Variants in GRIK2 observed in about 807,000 individuals in gnomAD.
GRIK2 encodes glutamate ionotropic receptor kainate type subunit 2.
Under a neutral mutation model 100.3 loss-of-function variants are expected in GRIK2, and 32 were observed. That is an observed-to-expected ratio of 0.32 (90% CI 0.24 to 0.43). The LOEUF is 0.43. Among genes scored for constraint, GRIK2 ranks in the 20% least tolerant of loss-of-function variants. The probability of loss-of-function intolerance (pLI) is 1.00; values close to 1 mark genes in which losing one functional copy is unlikely to be tolerated. For missense variants in GRIK2, 843 were observed against 1,114.9 expected (o/e 0.76, Z 3.47); for synonymous variants, 417 against 389.4 (o/e 1.07, Z -0.83).
At chr6:101,481,688 A>C (rs886285502) in intron 2 of GRIK2, among the ~76,000 whole-genome samples, 44 of 152,262 alleles carry the variant, frequency 2.9e-4, no homozygotes, top group African/African-American at 1.0e-3. Context: ...TTAACCTAAG[A>C]AGTATTTTAA....
rs184523083 is a variant in GRIK2, at chr6:101,526,086, A to T, written c.116-95863A>T. On this transcript the variant is annotated intron_variant, in intron 2 of 16. Coordinates refer to ENST00000369134, the MANE Select transcript of GRIK2 (RefSeq NM_021956.5). ...GCAGCAGAGCAGAATTGATTCCTAG[A>T]TGTATACTGAGACCAACTGCTCTAT... Among the ~76,000 whole-genome samples the T allele has an allele frequency of 3.1e-4, 47 of 152,296 alleles. No homozygotes were observed. In the East Asian group the frequency reaches 8.9e-3, roughly 29 times the overall value.
chr6:102,016,868 G>A (rs983726986), intron 14 of GRIK2, among the ~76,000 whole-genome samples: 4 of 152,032 alleles, frequency 2.6e-5, no homozygotes, highest in Non-Finnish European at 5.9e-5. Flanking sequence ...GTTAAAAGCA[G>A]CTATAGAGAA....
chr6:101,636,499 TAAAA>T (rs548087624), intron 4 of GRIK2, among the ~76,000 whole-genome samples: 3 of 151,568 alleles, frequency 2.0e-5, no homozygotes, highest in Non-Finnish European at 4.4e-5. Context: ...TAAAGTATAA[TAAAA>T]AAAAGAAAAG....
At chr6:101,698,977 A>G (rs1772689476) in intron 7 of GRIK2, among the ~76,000 whole-genome samples, 1 of 152,144 alleles carries the variant, frequency 6.6e-6, no homozygotes, top group South Asian at 2.1e-4. Flanking sequence ...GACTTGGATA[A>G]AATTCTACAT....
chr6:101,507,342 T>G (rs1228510108), intron 2 of GRIK2, among the ~76,000 whole-genome samples: 2 of 152,136 alleles, frequency 1.3e-5, no homozygotes, highest in Admixed American at 1.3e-4. Flanking sequence ...GCCTTAGAGA[T>G]ATATCTATTT....
chr6:101,753,432 T>C (rs1016056963), intron 7 of GRIK2, among the ~76,000 whole-genome samples: 2 of 152,120 alleles, frequency 1.3e-5, no homozygotes, highest in East Asian at 3.8e-4. Context: ...TCTTAAGATC[T>C]AGAATTTAAA....
chr6:101,441,918 ACTT>A (rs1770087028), intron 2 of GRIK2, among the ~76,000 whole-genome samples: 1 of 151,978 alleles, frequency 6.6e-6, no homozygotes, highest in Non-Finnish European at 1.5e-5. Flanking sequence ...AGTCTGGGAA[ACTT>A]CTTATAGTGA....
intron 7 of GRIK2, among the ~76,000 whole-genome samples, chr6:101,701,221 AC>A (rs1403058803): frequency 6.6e-6 from 1 of 152,124 alleles, no homozygotes; most frequent in African/African-American, 2.4e-5. Flanking sequence ...GACTTAGTCA[AC>A]CTATTTGGCC....
intron 4 of GRIK2, 64 bp downstream of exon 4, chr6:101,626,701 C>G: frequency 7.1e-7 from 1 of 1,410,556 alleles, no homozygotes; most frequent in Non-Finnish European, 9.8e-7. Flanking sequence ...GAAGCCCATT[C>G]CAGGTTCTTA....
At chr6:101,688,323 T>C (rs907049261) in intron 7 of GRIK2, among the ~76,000 whole-genome samples, 1 of 151,688 alleles carries the variant, frequency 6.6e-6, no homozygotes, top group Admixed American at 6.6e-5. Flanking sequence ...TGTATCAGAA[T>C]CATAAAAATT....
At chr6:101,534,742 A>G (rs746803429) in intron 2 of GRIK2, among the ~76,000 whole-genome samples, 4 of 151,888 alleles carry the variant, frequency 2.6e-5, no homozygotes, top group Admixed American at 2.0e-4. Flanking sequence ...TAATTGCACT[A>G]AAACAACAAA....
At chr6:101,497,115 T>G (rs1773485996) in intron 2 of GRIK2, among the ~76,000 whole-genome samples, 1 of 152,190 alleles carries the variant, frequency 6.6e-6, no homozygotes, top group African/African-American at 2.4e-5. Flanking sequence ...ACTGTCTTTT[T>G]CATTTTCCAA....
chr6:101,502,336 C>T (rs957736219), intron 2 of GRIK2, among the ~76,000 whole-genome samples: 4 of 151,994 alleles, frequency 2.6e-5, no homozygotes. Context: ...TACACACATA[C>T]ACAAAGATGT....
intron 9 of GRIK2, among the ~76,000 whole-genome samples, chr6:101,807,387 A>G (rs944357429): frequency 4.6e-5 from 7 of 152,028 alleles, no homozygotes; most frequent in African/African-American, 1.7e-4. Context: ...AAAACTCAAC[A>G]TTCTATTTAT....
chr6:101,931,001 T>C (rs1228152301), intron 14 of GRIK2, among the ~76,000 whole-genome samples: 1 of 152,170 alleles, frequency 6.6e-6, no homozygotes, highest in Non-Finnish European at 1.5e-5. Context: ...ACAACTACCT[T>C]ATGTTGCTAA....
At chr6:101,530,142 A>G (rs960656651) in intron 2 of GRIK2, among the ~76,000 whole-genome samples, 3 of 152,062 alleles carry the variant, frequency 2.0e-5, no homozygotes, top group Admixed American at 1.3e-4. Context: ...TTCAAATAAC[A>G]TTTTTTAAAC....
At chr6:102,064,367 T>C (rs750922042) in intron 16 of GRIK2, among the ~76,000 whole-genome samples, 41 of 128,910 alleles carry the variant, frequency 3.2e-4, no homozygotes, top group African/African-American at 1.0e-3. Context: ...TCCTTCCTTC[T>C]TTCTTTCTTT....
At chr6:101,598,139 T>C (rs1165958453) in intron 2 of GRIK2, among the ~76,000 whole-genome samples, 1 of 151,760 alleles carries the variant, frequency 6.6e-6, no homozygotes, top group Non-Finnish European at 1.5e-5. Flanking sequence ...ATTTGGATAA[T>C]GCTCTCTCTC....
chr6:101,688,371 G>A (rs1771857194), intron 7 of GRIK2, among the ~76,000 whole-genome samples: 1 of 151,726 alleles, frequency 6.6e-6, no homozygotes, highest in Admixed American at 6.6e-5. Flanking sequence ...ATAGCTATGT[G>A]AGTCCCTCTG....
Sources: allele counts gnomAD v4.1 joint callset (sites outside exome capture counted in the v4.1 genomes callset), GRCh38; gene constraint gnomAD v4.1.1; transcripts MANE v1.5; gene names NCBI Gene and HGNC (gene_info 2026-07-23, HGNC 2026-07-21).